The following GLIS3 variants were observed in gnomAD, a reference collection of about 807,000 sequenced individuals.
GLIS3 encodes zinc finger protein GLIS3.
A neutral mutation model predicts 78.6 loss-of-function variants in GLIS3; 53 were observed. The ratio of observed to expected loss-of-function variants is 0.67; its 90% CI spans 0.54 to 0.85. The LOEUF (loss-of-function observed/expected upper bound fraction) is 0.85, where lower values mean the gene tolerates loss of function less well. GLIS3 is among the 40% of genes least tolerant of loss of function. The pLI is 0.00. For synonymous variants in GLIS3, 684 were observed against 509.9 expected (o/e 1.34, Z -4.60); for missense variants, 1,703 against 1,231.1 (o/e 1.38, Z -5.74).
intron 2 of GLIS3, among the ~76,000 whole-genome samples, chr9:4,131,714 T>C (rs1832986684): frequency 6.6e-6 from 1 of 152,282 alleles, no homozygotes; most frequent in Admixed American, 6.5e-5. Flanking sequence ...CTCTTTTCTT[T>C]GTAAATTACC....
chr9:4,286,578 C>T (rs1828022161), intron 1 of GLIS3, 55 bp from the exon 2 acceptor site: 2 of 880,186 alleles, frequency 2.3e-6, no homozygotes, highest in Non-Finnish European at 3.6e-6. Flanking sequence ...AAATAAGATA[C>T]AGTGAGTTTT....
the GLIS3 span, among the ~76,000 whole-genome samples, chr9:4,401,019 T>A: frequency 1.3e-5 from 2 of 152,094 alleles, no homozygotes; most frequent in Non-Finnish European, 2.9e-5. Context: ...ATTCTTCTGT[T>A]TGAGAAAAGC....
intron 4 of GLIS3, among the ~76,000 whole-genome samples, chr9:3,966,435 C>CTTTTTTTT (rs764863612): frequency 2.0e-5 from 3 of 150,738 alleles, no homozygotes; most frequent in Non-Finnish European, 3.0e-5. Context: ...TGATGCAAAG[C>CTTTTTTTT]CTTTTTTTTT....
chr9:3,869,507 T>C (rs1430867633), intron 8 of GLIS3, among the ~76,000 whole-genome samples: 1 of 152,178 alleles, frequency 6.6e-6, no homozygotes, highest in African/African-American at 2.4e-5. Flanking sequence ...CTCCTAGCAA[T>C]GTGTTTGTGT....
intron 4 of GLIS3, among the ~76,000 whole-genome samples, chr9:3,995,524 A>G (rs1476083411): frequency 6.6e-6 from 1 of 152,154 alleles, no homozygotes; most frequent in Non-Finnish European, 1.5e-5. Context: ...GTATGGAAAT[A>G]TCAGATATAT....
At position 4,155,253 on chromosome 9, in the gene GLIS3, T is replaced by A. The variant is rs1445399460; in HGVS notation, c.389-29312A>T. On this transcript the variant is annotated intron_variant, in intron 2 of 10. Transcript: ENST00000381971. ...ACACTAAAAAGGTCACGTTACTGGA[T>A]CACTGCCAAAAGATTTTTAAAAAGC... 4.6e-5 allele frequency among the ~76,000 whole-genome samples: 7 copies of A among 152,312 alleles called. No individual in the cohort carries two copies. In the South Asian group the frequency reaches 1.4e-3, roughly 32 times the overall value.
At chr9:4,207,873 C>A (rs1457350382) in intron 2 of GLIS3, among the ~76,000 whole-genome samples, 1 of 152,204 alleles carries the variant, frequency 6.6e-6, no homozygotes. Flanking sequence ...TTTTGGGTCA[C>A]TGATTCTATA....
At chr9:4,373,948 G>C in the GLIS3 span, among the ~76,000 whole-genome samples, 2 of 152,252 alleles carry the variant, frequency 1.3e-5, no homozygotes, top group African/African-American at 4.8e-5. Context: ...TTACAGGTGT[G>C]AGCCACCGCG....
At chr9:4,106,380 C>T (rs1014320560) in intron 4 of GLIS3, among the ~76,000 whole-genome samples, 5 of 152,098 alleles carry the variant, frequency 3.3e-5, no homozygotes, top group African/African-American at 7.2e-5. Flanking sequence ...ACACTTTAAA[C>T]GTTTCTAAGA....
chr9:4,117,990 G>A lies in GLIS3; in HGVS notation c.1488C>T (p.Ile496=), dbSNP rs139835816. ...TCCAGCGGCAGCAATGCTTGCCCCC[G>A]ATGCCGTCCATCTCCCCGTCGTCGT... ...TLDDDGEMDG[I]GGKHCCRWID... Residue 496 remains isoleucine, a synonymous_variant, in exon 4 of 11, where the codon ATC becomes ATT. Coordinates refer to ENST00000381971, the MANE Select transcript of GLIS3 (RefSeq NM_001042413.2). The A allele has an allele frequency of 4.3e-6, 7 of 1,611,448 alleles. No individual in the cohort carries two copies. In the African/African-American group the frequency reaches 8.0e-5, roughly 18 times the overall value.
chr9:4,480,042 G>A, the GLIS3 span, among the ~76,000 whole-genome samples: 4 of 151,204 alleles, frequency 2.6e-5, no homozygotes, highest in Non-Finnish European at 4.4e-5. Context: ...GATTGTAGGC[G>A]TGAGCCACGG....
chr9:3,856,142 C>G lies in GLIS3; in HGVS notation c.2340G>C (p.Arg780=), dbSNP rs147473975. 6.2e-7 allele frequency: 1 copy of G among 1,614,090 alleles called. No homozygotes were observed. The highest frequency in any genetic ancestry group is 8.5e-7 in the Non-Finnish European group (1 of 1,180,010). ...SAPSPHHISP[R]RVPAPSSILQ... is the part of the protein sequence containing the mutation. The stretch of plus-strand genomic sequence containing the variant: ...GTATTGAAGAAGGAGCTGGAACTCT[C>G]CGGGGGCTGATGTGGTGAGGAGATG... The change falls in exon 9 of 11, where the codon CGG becomes CGC. Residue 780 remains arginine (R), a synonymous_variant. Transcript: ENST00000381971.
intron 10 of GLIS3, 30 bp from the exon 11 acceptor site, chr9:3,828,438 T>C (rs1269942485): frequency 6.2e-7 from 1 of 1,611,298 alleles, no homozygotes; most frequent in Admixed American, 1.7e-5. Flanking sequence ...GTTAAGTCAG[T>C]AACTCCTGCC....
chr9:4,448,698 A>G, the GLIS3 span, among the ~76,000 whole-genome samples: 1 of 152,210 alleles, frequency 6.6e-6, no homozygotes, highest in Non-Finnish European at 1.5e-5. Context: ...CAGAAATTCT[A>G]AGAGCCTGTG....
At chr9:4,250,499 TTC>T (rs1249873448) in intron 2 of GLIS3, among the ~76,000 whole-genome samples, 15 of 152,188 alleles carry the variant, frequency 9.9e-5, no homozygotes, top group Admixed American at 3.9e-4. Context: ...TATTTGATTA[TTC>T]TCTCTTTTCT....
chr9:3,984,303 T>A (rs1310786117), intron 4 of GLIS3, among the ~76,000 whole-genome samples: 1 of 152,238 alleles, frequency 6.6e-6, no homozygotes, highest in Non-Finnish European at 1.5e-5. Flanking sequence ...AGGGACGCTA[T>A]ACCCCGCAAA....
At chr9:4,091,788 A>G (rs1012691654) in intron 4 of GLIS3, among the ~76,000 whole-genome samples, 1 of 152,174 alleles carries the variant, frequency 6.6e-6, no homozygotes, top group Admixed American at 6.5e-5. Context: ...TCTTCTTTAT[A>G]AATTACCCAG....
chr9:3,881,434 A>G (rs200364130), intron 7 of GLIS3, among the ~76,000 whole-genome samples: 7 of 152,144 alleles, frequency 4.6e-5, no homozygotes, highest in African/African-American at 1.7e-4. Context: ...TTACAACCCA[A>G]TGGGCAACAA....
chr9:4,179,413 C>T (rs955577465), intron 2 of GLIS3, among the ~76,000 whole-genome samples: 1 of 152,102 alleles, frequency 6.6e-6, no homozygotes, highest in Non-Finnish European at 1.5e-5. Flanking sequence ...TTCTAAGATT[C>T]CCTTATGTAG....
Sources: allele counts gnomAD v4.1 joint callset (sites outside exome capture counted in the v4.1 genomes callset), GRCh38; gene constraint gnomAD v4.1.1; transcripts MANE v1.5; gene names NCBI Gene and HGNC (gene_info 2026-07-23, HGNC 2026-07-21).